IAH1: variants seen among roughly 807,000 people sequenced by gnomAD.
IAH1 encodes the protein isoamyl acetate hydrolyzing esterase 1 (putative), also known as isoamyl acetate-hydrolyzing esterase 1 homolog.
IAH1 carries 24 observed loss-of-function variants against 26.7 expected under a neutral mutation model. The observed-to-expected ratio is 0.90, with a 90% confidence interval of 0.65 to 1.26. The LOEUF is 1.26. Ranked by LOEUF, IAH1 falls within the 50% of genes most tolerant of loss-of-function variation. The probability of loss-of-function intolerance (pLI) is 0.00; values close to 1 mark genes in which losing one functional copy is unlikely to be tolerated. For synonymous variants in IAH1, 140 were observed against 118.5 expected (o/e 1.18, Z -1.18); for missense variants, 300 against 299.9 (o/e 1.00, Z 0.00).
Position 9,488,468 on chromosome 2 carries a change from G to T in IAH1, c.*139G>T, listed in dbSNP as rs1031461631. 3.3e-6 allele frequency: 2 copies of T among 603,006 alleles called. No homozygotes were observed. Among genetic ancestry groups the T allele is most frequent in the African/African-American group, 1.9e-5 (1 of 53,250 alleles). 37.4% of individuals were successfully genotyped at this position (603,006 alleles called of 1,614,324 possible). A position where few individuals can be genotyped will look rare whatever the true frequency, so the allele number is the denominator to read the frequency against. On this transcript the variant is annotated 3_prime_UTR_variant, in exon 6 of 6. Coordinates refer to ENST00000497473, the MANE Select transcript of IAH1 (RefSeq NM_001039613.3). Reference sequence around the variant, plus strand: ...AAGTATTAGATGATTTTTCAGGGAAGTTTTATACTTAGGTCCATTGTGTTT... The same window carrying T: ...AAGTATTAGATGATTTTTCAGGGAATTTTTATACTTAGGTCCATTGTGTTT...
At chr2:9,500,706 C>CA (rs1333816798), downstream of IAH1, among the ~76,000 whole-genome samples, 2 of 151,842 alleles carry the variant, frequency 1.3e-5, no homozygotes, top group Non-Finnish European at 2.9e-5. Context: ...CAATTTAAGT[C>CA]AAAAAACATC....
chr2:9,503,490 T>TA, the IAH1 span, among the ~76,000 whole-genome samples: 1 of 152,142 alleles, frequency 6.6e-6, no homozygotes, highest in South Asian at 2.1e-4. Context: ...GATGTAGCCA[T>TA]AAAAAAACCT....
the IAH1 span, chr2:9,505,365 T>C: frequency 6.2e-7 from 1 of 1,613,668 alleles, no homozygotes; most frequent in Middle Eastern, 1.7e-4. Flanking sequence ...TTTGAAAACA[T>C]CTTGAGAGAA....
At chr2:9,490,045 G>GGAA, downstream of IAH1, 1 of 827,674 alleles carries the variant, frequency 1.2e-6, no homozygotes, top group African/African-American at 1.7e-5. Context: ...TTTACCTGCA[G>GGAA]GAAGTTCAAA....
chr2:9,488,076 G>A, intron 5 of IAH1, 71 bp from the exon 6 acceptor site: 1 of 1,050,850 alleles, frequency 9.5e-7, no homozygotes, highest in Non-Finnish European at 1.4e-6. Context: ...GCCCCAAAGT[G>A]TTGGAATGAC....
the IAH1 span, among the ~76,000 whole-genome samples, chr2:9,504,117 C>G: frequency 3.9e-5 from 6 of 152,112 alleles, no homozygotes; most frequent in Non-Finnish European, 8.8e-5. Context: ...TGCCACTGCA[C>G]TCCATCTTGG....
downstream of IAH1, chr2:9,493,692 T>C (rs1053565458): frequency 8.2e-6 from 12 of 1,471,414 alleles, no homozygotes; most frequent in Admixed American, 3.4e-5. Context: ...ACTTTTCTAA[T>C]GTCATCACAG....
chr2:9,502,646 G>C, the IAH1 span, among the ~76,000 whole-genome samples: 1 of 152,074 alleles, frequency 6.6e-6, no homozygotes, highest in African/African-American at 2.4e-5. Flanking sequence ...GGAGGCCGAG[G>C]TGGGTGGATC....
intron 3 of IAH1, 126 bp downstream of exon 3, chr2:9,478,496 T>C (rs560942391): frequency 9.0e-6 from 8 of 887,448 alleles, no homozygotes; most frequent in South Asian, 3.8e-5. Context: ...GCCAAACTTA[T>C]GTTGTTTATA....
rs70948823 is a variant in IAH1, at chr2:9,487,788, T to TTGTGTGTGTGTGTG, written c.565-326_565-313dup. ...GTTATACCCTCCCTCCCCGGCCTTTTTGTGTGTGTGTGTGTGTGTGTGTGT... is the reference window on the plus strand; with the variant it reads ...GTTATACCCTCCCTCCCCGGCCTTTTTGTGTGTGTGTGTGTGTGTGTGTGTGTGTGTGTGTGTGT... On this transcript the variant is annotated intron_variant, in intron 5 of 5. Transcript: ENST00000497473. 2.3e-4 allele frequency among the ~76,000 whole-genome samples: 31 copies of TTGTGTGTGTGTGTG among 133,966 alleles called. 1 individual carries two copies. Among genetic ancestry groups the TTGTGTGTGTGTGTG allele is most frequent in the African/African-American group, 5.8e-4 (20 of 34,438 alleles). 87.9% of individuals were successfully genotyped at this position (133,966 alleles called of 152,430 possible). A position where few individuals can be genotyped will look rare whatever the true frequency, so the allele number is the denominator to read the frequency against.
downstream of IAH1, chr2:9,490,186 T>C (rs1662004400): frequency 1.9e-6 from 3 of 1,593,130 alleles, no homozygotes; most frequent in African/African-American, 1.3e-5. Flanking sequence ...ATTAGCACTC[T>C]GTTTCTTTGC....
chr2:9,493,829 T>C (rs1662348865), downstream of IAH1: 1 of 1,612,882 alleles, frequency 6.2e-7, no homozygotes, highest in Non-Finnish European at 8.5e-7. Flanking sequence ...ATTTGCCCTA[T>C]GAAGAAAAAA....
At chr2:9,475,201 C>T (rs1188544001) in intron 1 of IAH1, 5 of 1,289,168 alleles carry the variant, frequency 3.9e-6, no homozygotes, top group Non-Finnish European at 5.1e-6. Context: ...ATGAAGGGAA[C>T]GGTCTTCTAA....
the IAH1 span, among the ~76,000 whole-genome samples, chr2:9,511,520 T>A: frequency 6.6e-6 from 1 of 152,148 alleles, no homozygotes; most frequent in African/African-American, 2.4e-5. Flanking sequence ...ACTGAATTCA[T>A]GTCCAATAAC....
At chr2:9,506,592 CTT>C in the IAH1 span, among the ~76,000 whole-genome samples, 2 of 151,906 alleles carry the variant, frequency 1.3e-5, no homozygotes, top group Admixed American at 6.6e-5. Flanking sequence ...GTCTCGATCT[CTT>C]GACCTCATGA....
At chr2:9,509,925 C>T in the IAH1 span, 1 of 1,598,128 alleles carries the variant, frequency 6.3e-7, no homozygotes, top group Non-Finnish European at 8.5e-7. Context: ...TCATTATGAT[C>T]ATTATACACA....
the IAH1 span, among the ~76,000 whole-genome samples, chr2:9,504,982 G>A: frequency 6.6e-6 from 1 of 152,168 alleles, no homozygotes; most frequent in African/African-American, 2.4e-5. Context: ...GGGATGACAG[G>A]AGTGAGCCAC....
intron 2 of IAH1, among the ~76,000 whole-genome samples, chr2:9,477,316 C>T (rs1200892718): frequency 6.6e-6 from 1 of 152,030 alleles, no homozygotes; most frequent in Non-Finnish European, 1.5e-5. Context: ...GTGAATACAG[C>T]AAAATGAACC....
intron 6 of IAH1, among the ~76,000 whole-genome samples, chr2:9,495,828 A>G (rs1572884175): frequency 6.6e-6 from 1 of 151,534 alleles, no homozygotes; most frequent in African/African-American, 2.4e-5. Context: ...CATTCAACAC[A>G]ACAGATTTAT....
Sources: gnomAD v4.1 joint callset for allele counts (sites outside exome capture counted in the v4.1 genomes callset) on GRCh38, gnomAD v4.1.1 for gene constraint, MANE v1.5 for transcripts, NCBI Gene and HGNC (gene_info 2026-07-23, HGNC 2026-07-21) for gene names.